TMEM63C: variants seen among roughly 807,000 people sequenced by gnomAD.
TMEM63C encodes osmosensitive cation channel TMEM63C.
TMEM63C carries 32 observed loss-of-function variants against 99.2 expected under a neutral mutation model. The observed-to-expected ratio is 0.32, with a 90% CI of 0.24 to 0.43. The LOEUF (loss-of-function observed/expected upper bound fraction) is 0.43, where lower values mean the gene tolerates loss of function less well. Ranked by LOEUF, TMEM63C falls within the 20% of genes least tolerant of loss-of-function variation. TMEM63C has a pLI of 1.00. For synonymous variants in TMEM63C, 376 were observed against 397.9 expected (o/e 0.94, Z 0.66); for missense variants, 826 against 1,053.0 (o/e 0.78, Z 2.98).
intron 23 of TMEM63C, among the ~76,000 whole-genome samples, chr14:77,255,894 C>A (rs1208948159): frequency 6.6e-6 from 1 of 152,194 alleles, no homozygotes. Context: ...AAATAAACTC[C>A]TATGGGAAAG....
Position 77,236,722 on chromosome 14 carries a change from A to G in TMEM63C, c.641A>G (p.Asn214Ser), listed in dbSNP as rs1246668055. The G allele has an allele frequency of 6.2e-7, 1 of 1,610,874 alleles. No homozygotes were observed. Among genetic ancestry groups the G allele is most frequent in the Non-Finnish European group, 8.5e-7 (1 of 1,177,870 alleles). The change falls in exon 9 of 24, where the codon AAT becomes AGT. Residue 214 changes from asparagine (N) to serine (S), a missense_variant. Transcript: ENST00000298351. ...AHHCLGFAPRNSQKVTRTLMI... is the reference protein window; with the variant it reads ...AHHCLGFAPRSSQKVTRTLMI... Reference sequence around the variant, plus strand: ...CACTGCCTGGGGTTTGCACCCAGGAATAGCCAAAAGGTAAGTAGCCTACAA... The same window carrying G: ...CACTGCCTGGGGTTTGCACCCAGGAGTAGCCAAAAGGTAAGTAGCCTACAA...
intron 5 of TMEM63C, among the ~76,000 whole-genome samples, chr14:77,220,440 C>A (rs2140109656): frequency 6.6e-6 from 1 of 152,334 alleles, no homozygotes; most frequent in East Asian, 1.9e-4. Context: ...CAAGGCCTCA[C>A]CTCCCATTTC....
chr14:77,253,471 A>G, intron 23 of TMEM63C, 95 bp downstream of exon 23: 1 of 1,263,668 alleles, frequency 7.9e-7, no homozygotes, highest in Non-Finnish European at 1.1e-6. Context: ...TTTGCTGCCC[A>G]CTCTGGGTAT....
At chr14:77,247,778 A>AT (rs1889290225) in intron 18 of TMEM63C, among the ~76,000 whole-genome samples, 1 of 150,540 alleles carries the variant, frequency 6.6e-6, no homozygotes, top group Non-Finnish European at 1.5e-5. Flanking sequence ...CCTTCAAGGT[A>AT]TTTTTTAGTA....
At chr14:77,193,872 C>T (rs1387491696) in intron 1 of TMEM63C, among the ~76,000 whole-genome samples, 1 of 151,024 alleles carries the variant, frequency 6.6e-6, no homozygotes, top group Non-Finnish European at 1.5e-5. Context: ...TGGTAGTGGG[C>T]ACCCGTGGTT....
At chr14:77,185,941 A>G (rs1887986366) in intron 1 of TMEM63C, among the ~76,000 whole-genome samples, 1 of 151,210 alleles carries the variant, frequency 6.6e-6, no homozygotes, top group South Asian at 2.1e-4. Context: ...CCTTCTTTCC[A>G]TTTGCTCGTC....
intron 6 of TMEM63C, among the ~76,000 whole-genome samples, chr14:77,227,823 G>A (rs531137659): frequency 2.0e-5 from 3 of 152,292 alleles, no homozygotes; most frequent in Non-Finnish European, 2.9e-5. Flanking sequence ...AGGATAGGAT[G>A]TCCAAGACAC....
At chr14:77,192,039 T>C (rs1888119511) in intron 1 of TMEM63C, among the ~76,000 whole-genome samples, 1 of 152,246 alleles carries the variant, frequency 6.6e-6, no homozygotes, top group Non-Finnish European at 1.5e-5. Context: ...GTGAATTAAC[T>C]CTTTATCATT....
At chr14:77,220,147 G>A in intron 5 of TMEM63C, 60 bp downstream of exon 5, 1 of 1,478,230 alleles carries the variant, frequency 6.8e-7, no homozygotes, top group Non-Finnish European at 9.2e-7. Context: ...CAGGCGTGGT[G>A]TGCACAGGAA....
chr14:77,217,732 C>T (rs1221187060), intron 2 of TMEM63C, among the ~76,000 whole-genome samples: 1 of 152,204 alleles, frequency 6.6e-6, no homozygotes, highest in East Asian at 1.9e-4. Context: ...ATTGGTGTCT[C>T]ACCAAAATGT....
chr14:77,204,414 G>A (rs1419576239), intron 1 of TMEM63C, among the ~76,000 whole-genome samples: 1 of 152,188 alleles, frequency 6.6e-6, no homozygotes, highest in African/African-American at 2.4e-5. Flanking sequence ...GTCCCTCTGT[G>A]GAAGGAGGGC....
chr14:77,192,600 A>T (rs1043868094), intron 1 of TMEM63C, among the ~76,000 whole-genome samples: 1 of 152,154 alleles, frequency 6.6e-6, no homozygotes, highest in African/African-American at 2.4e-5. Flanking sequence ...AAGATATTTT[A>T]AAAAGAAAGA....
chr14:77,256,962 G>A lies in TMEM63C; in HGVS notation c.*236G>A, dbSNP rs1889474116. ...GCCTGGGAAGGGATGGGAGGATACA[G>A]GCAAGCACATGTCTTGAGAGAGGTG... On this transcript the variant is annotated 3_prime_UTR_variant, in exon 24 of 24. Coordinates refer to ENST00000298351, the MANE Select transcript of TMEM63C (RefSeq NM_020431.4). 3 of 543,638 alleles carry A rather than the reference G, an allele frequency of 5.5e-6. No individual in the cohort carries two copies. In the Admixed American group the frequency reaches 9.6e-5, roughly 17 times the overall value. The allele number at this position is 543,638 out of a possible 1,614,324, so 33.7% of individuals were successfully genotyped here. A position where few individuals can be genotyped will look rare whatever the true frequency, so the allele number is the denominator to read the frequency against.
At chr14:77,246,718 C>T (rs1386186407) in intron 18 of TMEM63C, 44 bp downstream of exon 18, 1 of 1,533,224 alleles carries the variant, frequency 6.5e-7, no homozygotes, top group Non-Finnish European at 9.0e-7. Flanking sequence ...TGTGTGCACA[C>T]AGGAGTGGTT....
intron 5 of TMEM63C, among the ~76,000 whole-genome samples, chr14:77,220,384 T>TTC (rs1005457388): frequency 6.6e-6 from 1 of 152,216 alleles, no homozygotes; most frequent in African/African-American, 2.4e-5. Context: ...TCTCCAACCC[T>TTC]TCTCACAGTC....
chr14:77,192,436 G>A (rs1413694694), intron 1 of TMEM63C, among the ~76,000 whole-genome samples: 1 of 152,104 alleles, frequency 6.6e-6, no homozygotes, highest in Non-Finnish European at 1.5e-5. Flanking sequence ...TAGTCAAATC[G>A]GAATTTTGAA....
intron 5 of TMEM63C, among the ~76,000 whole-genome samples, chr14:77,224,230 CA>C (rs1888776992): frequency 6.6e-6 from 1 of 151,930 alleles, no homozygotes; most frequent in Non-Finnish European, 1.5e-5. Flanking sequence ...TGTGCCTTCT[CA>C]AAAGGAAGCA....
intron 1 of TMEM63C, among the ~76,000 whole-genome samples, chr14:77,190,110 GAAT>G (rs1416062025): frequency 1.9e-5 from 2 of 105,416 alleles, no homozygotes; most frequent in Non-Finnish European, 3.9e-5. Context: ...AGAGAAAATA[GAAT>G]TATGATTATT....
At chr14:77,240,427 C>T in intron 12 of TMEM63C, 48 bp from the exon 13 acceptor site, 2 of 1,567,338 alleles carry the variant, frequency 1.3e-6, no homozygotes, top group Non-Finnish European at 1.7e-6. Flanking sequence ...ACCAGGGAGG[C>T]CTTCCTGGGG....
Sources: gnomAD v4.1 joint callset for allele counts (sites outside exome capture counted in the v4.1 genomes callset) on GRCh38, gnomAD v4.1.1 for gene constraint, MANE v1.5 for transcripts, NCBI Gene and HGNC (gene_info 2026-07-23, HGNC 2026-07-21) for gene names.